The following TRPM3 variants were observed in gnomAD, a reference collection of about 807,000 sequenced individuals.
TRPM3 encodes the protein transient receptor potential cation channel subfamily M member 3, also known as long transient receptor potential channel 3.
A neutral mutation model predicts 181.2 loss-of-function variants in TRPM3; 77 were observed. That is an observed-to-expected ratio of 0.42 (90% CI 0.35 to 0.51). TRPM3 has a LOEUF of 0.51. Among genes scored for constraint, TRPM3 ranks in the 20% least tolerant of loss-of-function variants. The probability of loss-of-function intolerance (pLI) is 0.01; values close to 1 mark genes in which losing one functional copy is unlikely to be tolerated. For synonymous variants in TRPM3, 745 were observed against 796.4 expected, an observed-to-expected ratio of 0.94 and a Z score of 1.09; for missense variants, 1,759 against 2,196.7, an observed-to-expected ratio of 0.80 and a Z score of 3.98.
At chr9:71,097,285 T>G (rs1238784416) in intron 1 of TRPM3, among the ~76,000 whole-genome samples, 1 of 152,112 alleles carries the variant, frequency 6.6e-6, no homozygotes, top group Non-Finnish European at 1.5e-5. Flanking sequence ...GGATATACAG[T>G]ACATGGATAT....
At chr9:70,839,969 A>T (rs969286868) in intron 5 of TRPM3, among the ~76,000 whole-genome samples, 27 of 152,184 alleles carry the variant, frequency 1.8e-4, no homozygotes, top group African/African-American at 6.3e-4. Flanking sequence ...AAGAGTTGCG[A>T]CTGTGTAAGA....
chr9:70,788,493 C>T (rs896802633), intron 6 of TRPM3, among the ~76,000 whole-genome samples: 1 of 152,130 alleles, frequency 6.6e-6, no homozygotes, highest in African/African-American at 2.4e-5. Flanking sequence ...AAACCTTCCA[C>T]AGTGAAACAC....
intron 1 of TRPM3, among the ~76,000 whole-genome samples, chr9:71,193,344 T>C (rs1327587806): frequency 6.6e-6 from 1 of 151,806 alleles, no homozygotes; most frequent in Non-Finnish European, 1.5e-5. Flanking sequence ...CTCCACTCAG[T>C]ATTTGACCCT....
intron 1 of TRPM3, among the ~76,000 whole-genome samples, chr9:71,128,458 C>G (rs901656652): frequency 1.3e-5 from 2 of 152,072 alleles, no homozygotes; most frequent in African/African-American, 4.8e-5. Context: ...CTAATGAGTT[C>G]CCGGAGGCTT....
At chr9:71,296,106 T>C (rs1184210966) in intron 1 of TRPM3, among the ~76,000 whole-genome samples, 1 of 152,194 alleles carries the variant, frequency 6.6e-6, no homozygotes, top group Non-Finnish European at 1.5e-5. Flanking sequence ...ACAGCTTTCG[T>C]GTGCTAAGCT....
At chr9:71,153,057 T>C (rs2075816311) in intron 1 of TRPM3, among the ~76,000 whole-genome samples, 1 of 152,020 alleles carries the variant, frequency 6.6e-6, no homozygotes, top group Non-Finnish European at 1.5e-5. Context: ...TCAATCTCCG[T>C]AACACCCCTG....
At chr9:70,592,344 T>G (rs910854296) in intron 21 of TRPM3, among the ~76,000 whole-genome samples, 2 of 152,238 alleles carry the variant, frequency 1.3e-5, no homozygotes, top group African/African-American at 4.8e-5. Context: ...TAACTAAAGC[T>G]GGGAGAAAGA....
chr9:70,961,146 CAG>C (rs2097132674), intron 1 of TRPM3, among the ~76,000 whole-genome samples: 1 of 152,032 alleles, frequency 6.6e-6, no homozygotes, highest in Non-Finnish European at 1.5e-5. Flanking sequence ...GAGTAGGAGT[CAG>C]AGAGGAGATG....
intron 1 of TRPM3, among the ~76,000 whole-genome samples, chr9:71,311,408 T>TA (rs2087919312): frequency 1.3e-5 from 2 of 152,092 alleles, no homozygotes; most frequent in South Asian, 4.1e-4. Flanking sequence ...ATTGACAAAA[T>TA]AGAAAAATAA....
chr9:70,972,613 T>C (rs931241852), intron 1 of TRPM3, among the ~76,000 whole-genome samples: 2 of 152,166 alleles, frequency 1.3e-5, no homozygotes, highest in African/African-American at 4.8e-5. Flanking sequence ...AGAAACTTTA[T>C]GGTATGTAAA....
chr9:70,904,126 G>A (rs1001106101), intron 1 of TRPM3, among the ~76,000 whole-genome samples: 9 of 152,118 alleles, frequency 5.9e-5, no homozygotes, highest in Non-Finnish European at 1.0e-4. Context: ...GGCAGCTGAG[G>A]TGAGAGGATC....
intron 1 of TRPM3, among the ~76,000 whole-genome samples, chr9:71,165,100 G>A (rs1294152651): frequency 1.3e-5 from 2 of 152,112 alleles, no homozygotes; most frequent in Admixed American, 6.6e-5. Flanking sequence ...AATCAGTATA[G>A]ACCAGCCCCG....
chr9:71,019,326 A>G (rs745632952), intron 1 of TRPM3, among the ~76,000 whole-genome samples: 16 of 152,048 alleles, frequency 1.1e-4, no homozygotes, highest in Non-Finnish European at 2.4e-4. Flanking sequence ...ATATGACTAA[A>G]TATAGAAAAG....
At chr9:70,980,618 T>G (rs1174162273) in intron 1 of TRPM3, among the ~76,000 whole-genome samples, 1 of 152,198 alleles carries the variant, frequency 6.6e-6, no homozygotes, top group Non-Finnish European at 1.5e-5. Context: ...CTGACTGATT[T>G]ACTCATTCTT....
rs146131007 is a variant in TRPM3, at chr9:70,958,652, T to A, written c.178-94141A>T. Among the ~76,000 whole-genome samples, 682 of 152,228 alleles carry A rather than the reference T, an allele frequency of 4.5e-3. 7 individuals carry two copies. The highest frequency in any genetic ancestry group is 0.014 in the African/African-American group (594 of 41,542). On this transcript the variant is annotated intron_variant, in intron 1 of 25. Coordinates refer to ENST00000677713, the MANE Select transcript of TRPM3 (RefSeq NM_001366145.2). ...TACCATTTGACCCAGCCATCCCATT[T>A]CTGGGTATATACCCAAAGGACTATA...
chr9:70,886,099 C>CATTT (rs1447114339), intron 1 of TRPM3, among the ~76,000 whole-genome samples: 5 of 152,114 alleles, frequency 3.3e-5, no homozygotes, highest in Non-Finnish European at 7.3e-5. Context: ...TAGAAAACTG[C>CATTT]ATTTGCATTG....
In TRPM3 at chr9:70,741,799, A is replaced by G. The variant is rs545127036; in HGVS notation, c.1272+19802T>C. Reference sequence around the variant, plus strand: ...GAGGATGCAAAAACGTAAGAATGATACAACGGACTTTGGGTACTTGGGGAA... The same window carrying G: ...GAGGATGCAAAAACGTAAGAATGATGCAACGGACTTTGGGTACTTGGGGAA... On this transcript the variant is annotated intron_variant, in intron 8 of 25. Transcript: ENST00000677713. Among the ~76,000 whole-genome samples, 51 of 152,282 alleles carry G rather than the reference A, an allele frequency of 3.3e-4. 1 individual carries two copies. The highest frequency in any genetic ancestry group is 1.1e-3 in the African/African-American group (46 of 41,558).
chr9:70,613,525 C>T (rs2062291666), intron 18 of TRPM3, among the ~76,000 whole-genome samples: 1 of 152,206 alleles, frequency 6.6e-6, no homozygotes, highest in Non-Finnish European at 1.5e-5. Context: ...CTGCACTCTG[C>T]AGTTCTGTCC....
At chr9:71,047,660 T>C (rs2059591660) in intron 1 of TRPM3, among the ~76,000 whole-genome samples, 2 of 152,190 alleles carry the variant, frequency 1.3e-5, no homozygotes, top group Non-Finnish European at 2.9e-5. Flanking sequence ...ATCTACTCCT[T>C]TACCATAAGC....
Sources: allele counts gnomAD v4.1 joint callset (sites outside exome capture counted in the v4.1 genomes callset), GRCh38; gene constraint gnomAD v4.1.1; transcripts MANE v1.5; gene names NCBI Gene and HGNC (gene_info 2026-07-23, HGNC 2026-07-21).